Variants in USF3 observed in about 807,000 individuals in gnomAD.
The protein encoded by USF3 is basic helix-loop-helix domain-containing protein USF3.
USF3 carries 29 observed loss-of-function variants against 157.5 expected under a neutral mutation model. The ratio of observed to expected loss-of-function variants is 0.18; its 90% CI spans 0.14 to 0.25. The LOEUF (loss-of-function observed/expected upper bound fraction) is 0.25. Ranked by LOEUF, USF3 falls within the 10% of genes least tolerant of loss-of-function variation. The pLI is 1.00. For synonymous variants in USF3, 893 were observed against 941.4 expected (o/e 0.95, Z 0.94); for missense variants, 2,381 against 2,667.6 (o/e 0.89, Z 2.37).
Position 113,657,677 on chromosome 3 carries a change from G to A in USF3, c.4005C>T (p.Asp1335=). 1 of 1,614,176 alleles carries A rather than the reference G, an allele frequency of 6.2e-7. No homozygotes were observed. The highest frequency in any genetic ancestry group is 1.7e-5 in the Admixed American group (1 of 60,012). Residue 1335 remains aspartate (D), a synonymous_variant, in exon 7 of 7, where the codon GAC becomes GAT. Transcript: ENST00000316407. ...GACGTTTAGCTGAAGACAGTAAAAG[G>A]TCATCTTGGACAGCACGCTTAGCAG... ...KDSAKRAVQD[D]LLLSSAKRQK... is the part of the protein sequence containing the mutation.
intron 4 of USF3, among the ~76,000 whole-genome samples, chr3:113,672,607 TG>T (rs1707185499): frequency 1.3e-5 from 2 of 152,128 alleles, no homozygotes; most frequent in South Asian, 4.1e-4. Context: ...TTGTAATGCA[TG>T]GAGGTTAAAA....
chr3:113,657,026 A>C lies in USF3; in HGVS notation c.4656T>G (p.Thr1552=), dbSNP rs1346710285. Residue 1552 remains threonine, a synonymous_variant, in exon 7 of 7, where the codon ACT becomes ACG. Transcript: ENST00000316407. ...HHGTDQSRSK[T]GQPHPHHQQM... ...GCTGATGGTGGGGATGTGGCTGGCC[A>C]GTCTTGGATCGGGATTGGTCAGTTC... The C allele has an allele frequency of 6.2e-7, 1 of 1,614,136 alleles. No homozygotes were observed.
chr3:113,666,389 C>T (rs1167089700), intron 5 of USF3, among the ~76,000 whole-genome samples: 2 of 146,756 alleles, frequency 1.4e-5, no homozygotes, highest in South Asian at 2.2e-4. Context: ...GTAGCTGAGA[C>T]TACAAGCACA....
intron 1 of USF3, among the ~76,000 whole-genome samples, chr3:113,680,646 T>C (rs958719594): frequency 6.6e-6 from 1 of 152,122 alleles, no homozygotes; most frequent in African/African-American, 2.4e-5. Flanking sequence ...ACCCTGCCTA[T>C]ACTAAAACTA....
Position 113,656,478 on chromosome 3 carries a change from T to C in USF3, c.5204A>G (p.Gln1735Arg). ...VASDIRLSDC[Q>R]TFKPSGASQQ... ...ACTAGCTCCACTTGGTTTAAACGTCTGACAATCAGAAAGGCGGATATCTGA... is the reference window on the plus strand; with the variant it reads ...ACTAGCTCCACTTGGTTTAAACGTCCGACAATCAGAAAGGCGGATATCTGA... Residue 1735 changes from glutamine to arginine, a missense_variant, in exon 7 of 7, where the codon CAG becomes CGG. Around this residue, in one of 6 missense-constraint regions of USF3, gnomAD observed 770 missense variants for 824.2 expected, o/e 0.93. Transcript: ENST00000316407. 1 of 1,614,192 alleles carries C rather than the reference T, an allele frequency of 6.2e-7. No individual in the cohort carries two copies. Among genetic ancestry groups the C allele is most frequent in the Non-Finnish European group, 8.5e-7 (1 of 1,180,036 alleles).
At position 113,655,651 on chromosome 3, in the gene USF3, G is replaced by C. The variant is rs1947342306; in HGVS notation, c.6031C>G (p.Leu2011Val). Residue 2011 changes from leucine (L) to valine (V), a missense_variant, in exon 7 of 7, where the codon CTT becomes GTT. This residue lies in a region of USF3 where 770 missense variants were observed against 824.2 expected (regional missense o/e 0.93). Coordinates refer to ENST00000316407, the MANE Select transcript of USF3 (RefSeq NM_001009899.4). ...QRQSTVFDPSLPHLPLSTGGS... is the reference protein window; with the variant it reads ...QRQSTVFDPSVPHLPLSTGGS... The stretch of plus-strand genomic sequence containing the variant: ...CCAGTAGAGAGAGGAAGATGGGGAA[G>C]ACTTGGATCAAAGACAGTACTTTGC... The C allele has an allele frequency of 6.2e-7, 1 of 1,613,790 alleles. No individual in the cohort carries two copies. Among genetic ancestry groups the C allele is most frequent in the Non-Finnish European group, 8.5e-7 (1 of 1,179,774 alleles).
chr3:113,683,717 T>C (rs1187893578), intron 1 of USF3, among the ~76,000 whole-genome samples: 3 of 152,170 alleles, frequency 2.0e-5, no homozygotes, highest in Non-Finnish European at 4.4e-5. Context: ...TTTGCCCACC[T>C]TGGCCTCCCA....
At chr3:113,681,691 C>T (rs1373709618) in intron 1 of USF3, among the ~76,000 whole-genome samples, 1 of 150,426 alleles carries the variant, frequency 6.6e-6, no homozygotes, top group Non-Finnish European at 1.5e-5. Context: ...TGAGCCACCA[C>T]ACCCAGCAAT....
At chr3:113,673,762 G>C (rs1707214358) in intron 3 of USF3, among the ~76,000 whole-genome samples, 1 of 152,244 alleles carries the variant, frequency 6.6e-6, no homozygotes, top group Non-Finnish European at 1.5e-5. Context: ...ACCTGGACCA[G>C]TACGGGTGTG....
At chr3:113,695,702 C>A (rs1707782548) in intron 1 of USF3, among the ~76,000 whole-genome samples, 1 of 152,150 alleles carries the variant, frequency 6.6e-6, no homozygotes, top group Non-Finnish European at 1.5e-5. Context: ...GTTGGGAGGA[C>A]AAGCTTCAAG....
rs145550099 is a variant in USF3, at chr3:113,681,524, T to C, written c.-134-4127A>G. The stretch of plus-strand genomic sequence containing the variant: ...ATTCCACTGTGATCAGAGAAGATAC[T>C]TGATATTATTTCACCACCACGACTG... On this transcript the variant is annotated intron_variant, in intron 1 of 6. Coordinates refer to ENST00000316407, the MANE Select transcript of USF3 (RefSeq NM_001009899.4). Among the ~76,000 whole-genome samples, 267 of 151,596 alleles carry C rather than the reference T, an allele frequency of 1.8e-3. 1 individual carries two copies. Among genetic ancestry groups the C allele is most frequent in the South Asian group, 2.9e-3 (14 of 4,806 alleles).
In USF3 at chr3:113,652,104, A is replaced by AGTGT. The variant is rs1317486785; in HGVS notation, c.*2839_*2840insACAC. On this transcript the variant is annotated 3_prime_UTR_variant, in exon 7 of 7. Transcript: ENST00000316407. Reference sequence around the variant, plus strand: ...CCACTGGAGAGAGAGAGAGAGAGAGAGAGAGTGTGTGTGTGTGTGTGTGTG... The same window carrying AGTGT: ...CCACTGGAGAGAGAGAGAGAGAGAGAGTGTGAGAGTGTGTGTGTGTGTGTGTGTG... 7 of 127,794 alleles carry AGTGT rather than the reference A, an allele frequency of 5.5e-5. No individual in the cohort carries two copies. Among genetic ancestry groups the AGTGT allele is most frequent in the African/African-American group, 2.1e-4 (7 of 33,166 alleles). The allele number at this position is 127,794 out of a possible 1,614,324, so 7.9% of individuals were successfully genotyped here.
intron 1 of USF3, among the ~76,000 whole-genome samples, chr3:113,682,278 T>G (rs1707450755): frequency 6.6e-6 from 1 of 151,984 alleles, no homozygotes; most frequent in Non-Finnish European, 1.5e-5. Flanking sequence ...TGAGCCATGA[T>G]CGTGCCACCG....
Position 113,659,016 on chromosome 3 carries a change from G to C in USF3, c.2666C>G (p.Ser889Cys), listed in dbSNP as rs1180497379. 1.2e-6 allele frequency: 2 copies of C among 1,614,042 alleles called. No homozygotes were observed. Among genetic ancestry groups the C allele is most frequent in the Admixed American group, 1.7e-5 (1 of 59,998 alleles). The change falls in exon 7 of 7, where the codon TCC (serine) becomes TGC (cysteine). Residue 889 changes from serine to cysteine, a missense_variant. Physicochemically the swap from Ser to Cys is moderately radical, Grantham distance 112 (BLOSUM62 -1). This residue lies in a region of USF3 where 1,435 missense variants were observed against 1,550.9 expected (regional missense o/e 0.93). Transcript: ENST00000316407. ...SVSKSKSAEK[S>C]SPPSQESVTS... ...TACAGATTCTTGGGAGGGTGGGCTG[G>C]ACTTTTCTGCTGACTTAGATTTCGA...
At chr3:113,672,251 A>T (rs1341631592) in intron 4 of USF3, among the ~76,000 whole-genome samples, 1 of 150,434 alleles carries the variant, frequency 6.6e-6, no homozygotes, top group African/African-American at 2.5e-5. Flanking sequence ...CAGCCTCCTG[A>T]GTAGCTGGGA....
chr3:113,657,263 TTGCTGCTGCTGCTGC>T lies in USF3; in HGVS notation c.4404_4418del (p.Gln1474_Gln1478del), dbSNP rs10606566. On this transcript the variant is annotated inframe_deletion, in exon 7 of 7. Coordinates refer to ENST00000316407, the MANE Select transcript of USF3 (RefSeq NM_001009899.4). ...ACTGCCCTGCTTGTTGTTGTTGCTG[TTGCTGCTGCTGCTGC>T]TGCTGCTGCTGCTGCTGCTGCTTTA... The T allele has an allele frequency of 2.4e-3, 3,876 of 1,582,742 alleles. 58 individuals are homozygous for T. The African/African-American group carries it at 0.039, about 16-fold the overall frequency.
At chr3:113,674,776 C>G (rs1707239674) in intron 3 of USF3, 56 bp downstream of exon 3, 1 of 1,441,334 alleles carries the variant, frequency 6.9e-7, no homozygotes, top group Non-Finnish European at 9.8e-7. Context: ...AAAATAGGAA[C>G]TAATTCTGCT....
rs1445256014 is a variant in USF3 at position 113,652,474 on chromosome 3, G to T, written c.*2470C>A. 1 of 145,260 alleles carries T rather than the reference G, an allele frequency of 6.9e-6. No individual in the cohort carries two copies. Among genetic ancestry groups the T allele is most frequent in the South Asian group, 2.2e-4 (1 of 4,648 alleles). The allele number at this position is 145,260 out of a possible 1,614,324, so 9.0% of individuals were successfully genotyped here. Reference sequence around the variant, plus strand: ...CAGGTTGTTCTTGCTTTGTAAGCAAGAAAAAAAAAAATATTGTATATTTTT... The same window carrying T: ...CAGGTTGTTCTTGCTTTGTAAGCAATAAAAAAAAAAATATTGTATATTTTT... On this transcript the variant is annotated 3_prime_UTR_variant, in exon 7 of 7. Transcript: ENST00000316407.
chr3:113,687,255 ACACACACACACC>A (rs1577053408), intron 1 of USF3, among the ~76,000 whole-genome samples: 1 of 151,338 alleles, frequency 6.6e-6, no homozygotes, highest in Non-Finnish European at 1.5e-5. Flanking sequence ...ACACACACAC[ACACACACACACC>A]CCCTTTCTAG....
Sources: allele counts gnomAD v4.1 joint callset (sites outside exome capture counted in the v4.1 genomes callset), GRCh38; gene constraint gnomAD v4.1.1; regional missense constraint gnomAD v4.1.1; transcripts MANE v1.5; gene names NCBI Gene and HGNC (gene_info 2026-07-23, HGNC 2026-07-21).